The following NECAB2 variants were observed in gnomAD, a reference collection of about 807,000 sequenced individuals.
NECAB2 encodes N-terminal EF-hand calcium binding protein 2.
A neutral mutation model predicts 51.9 loss-of-function variants in NECAB2; 68 were observed. The observed-to-expected ratio is 1.31, with a 90% confidence interval of 1.08 to 1.60. The LOEUF is 1.60. Among genes scored for constraint, NECAB2 ranks in the 40% most tolerant of loss-of-function variants. The pLI is 0.00. For synonymous variants in NECAB2, 329 were observed against 203.5 expected (o/e 1.62, Z -5.25); for missense variants, 854 against 490.3 (o/e 1.74, Z -7.00).
At chr16:83,965,812 A>G, upstream of NECAB2, 1 of 1,612,750 alleles carries the variant, frequency 6.2e-7, no homozygotes, top group Non-Finnish European at 8.5e-7. Context: ...CTGACTTTGC[A>G]GTGGATCCTG....
chr16:83,973,406 G>C (rs921687468), intron 2 of NECAB2, among the ~76,000 whole-genome samples: 2 of 152,188 alleles, frequency 1.3e-5, no homozygotes, highest in Non-Finnish European at 2.9e-5. Flanking sequence ...GTTCCAACGA[G>C]TCTCCCACCC....
At chr16:84,000,701 C>CT (rs2084812184) in intron 10 of NECAB2, 23 bp from the exon 11 acceptor site, 1 of 1,612,358 alleles carries the variant, frequency 6.2e-7, no homozygotes, top group African/African-American at 1.3e-5. Context: ...CAGCCTCCTC[C>CT]CCCCGACCAT....
chr16:83,994,494 G>T lies in NECAB2; in HGVS notation c.715+74G>T, dbSNP rs1280545247. 4.4e-6 allele frequency: 7 copies of T among 1,595,144 alleles called. No individual in the cohort carries two copies. The East Asian group carries it at 1.3e-4, about 31-fold the overall frequency. On this transcript the variant is annotated intron_variant, in intron 7 of 12. Transcript: ENST00000305202. The stretch of plus-strand genomic sequence containing the variant: ...GGAGTTCTGAGAGTCCTCTGACAGG[G>T]ACTGGGGAGATGAGCAAGTTTGATG...
rs1405406866 is a variant in NECAB2, at chr16:83,994,391, C to G, written c.686C>G (p.Ala229Gly). The G allele has an allele frequency of 6.2e-7, 1 of 1,614,048 alleles. No homozygotes were observed. The highest frequency in any genetic ancestry group is 1.3e-5 in the African/African-American group (1 of 74,928). The part of the protein sequence containing the change: ...PASAPNHKLM[A>G]MEQGKTLPSA... ...TCTGCCCCCAACCACAAGCTCATGG[C>G]TATGGAACAAGGCAAGACCCTTCCA... Residue 229 changes from alanine (A) to glycine (G), a missense_variant, in exon 7 of 13, where the codon GCT becomes GGT. Transcript: ENST00000305202.
upstream of NECAB2, among the ~76,000 whole-genome samples, chr16:83,966,583 G>A (rs1265775262): frequency 1.3e-5 from 2 of 151,874 alleles, no homozygotes; most frequent in African/African-American, 4.8e-5. Flanking sequence ...CCAGGAGGGC[G>A]CTGCAGCCCC....
upstream of NECAB2, chr16:83,965,760 T>C (rs1173316545): frequency 6.2e-7 from 1 of 1,613,280 alleles, no homozygotes; most frequent in Admixed American, 1.7e-5. Context: ...CTGGTCCTCA[T>C]CGGCTCCCAC....
At chr16:83,999,497 T>C (rs1236414234) in intron 10 of NECAB2, among the ~76,000 whole-genome samples, 4 of 152,132 alleles carry the variant, frequency 2.6e-5, no homozygotes, top group Non-Finnish European at 2.9e-5. Flanking sequence ...ATGGTGCACC[T>C]AAAGCTGCAC....
chr16:83,990,557 A>C lies in NECAB2; in HGVS notation c.523A>C (p.Asn175His). Residue 175 changes from asparagine (N) to histidine (H), a missense_variant, in exon 6 of 13, where the codon AAT (asparagine) becomes CAT (histidine). Asn to His is a moderately conservative substitution (Grantham distance 68). Coordinates refer to ENST00000305202, the MANE Select transcript of NECAB2 (RefSeq NM_019065.3). ...CCGCTTCCTCCTGAAGGAGACGGCC[A>C]ATCAGATCCAGTCGCTGCTGAGCTC... ...VTRFLLKETA[N>H]QIQSLLSSVE... 6.2e-7 allele frequency: 1 copy of C among 1,614,174 alleles called. No homozygotes were observed. Among genetic ancestry groups the C allele is most frequent in the African/African-American group, 1.3e-5 (1 of 75,048 alleles).
chr16:84,001,771 C>T (rs546167010), intron 11 of NECAB2, 54 bp from the exon 12 acceptor site: 6 of 1,584,024 alleles, frequency 3.8e-6, no homozygotes, highest in African/African-American at 1.4e-5. Flanking sequence ...AGGGGAGCCA[C>T]ACGCGGAGCT....
At chr16:83,965,948 G>T, upstream of NECAB2, 2 of 1,611,254 alleles carry the variant, frequency 1.2e-6, no homozygotes, top group Non-Finnish European at 1.7e-6. Context: ...GTTTGTGCAG[G>T]GGGGCGCCTT....
At chr16:83,965,489 C>G, upstream of NECAB2, 2 of 1,610,924 alleles carry the variant, frequency 1.2e-6, no homozygotes, top group South Asian at 2.2e-5. Flanking sequence ...CTACGCCCGC[C>G]ACTACAACAT....
intron 9 of NECAB2, 128 bp downstream of exon 9, chr16:83,997,397 C>A: frequency 3.2e-6 from 4 of 1,235,864 alleles, no homozygotes; most frequent in Non-Finnish European, 4.6e-6. Flanking sequence ...GGAGATGTCG[C>A]CCAGCGCTTG....
At chr16:83,997,425 T>C (rs1223997826) in intron 9 of NECAB2, among the ~76,000 whole-genome samples, 156 bp downstream of exon 9, 1 of 145,484 alleles carries the variant, frequency 6.9e-6, no homozygotes, top group East Asian at 2.1e-4. Flanking sequence ...GACCCTGCCC[T>C]GGCACAGGAG....
chr16:83,973,252 G>A (rs1281670180), intron 2 of NECAB2, among the ~76,000 whole-genome samples: 1 of 152,214 alleles, frequency 6.6e-6, no homozygotes, highest in African/African-American at 2.4e-5. Context: ...TGCAGTTGAG[G>A]GTGGCAGCTC....
chr16:83,988,512 A>T (rs2084582511), intron 5 of NECAB2, among the ~76,000 whole-genome samples: 1 of 152,206 alleles, frequency 6.6e-6, no homozygotes, highest in South Asian at 2.1e-4. Context: ...GTTGAAATTA[A>T]ACCATTAGTG....
At chr16:83,998,042 T>G (rs1269379695) in intron 9 of NECAB2, among the ~76,000 whole-genome samples, 163 bp from the exon 10 acceptor site, 1 of 152,124 alleles carries the variant, frequency 6.6e-6, no homozygotes, top group African/African-American at 2.4e-5. Flanking sequence ...AGTCCTTTCT[T>G]AGCCCATTTT....
Position 84,002,344 on chromosome 16 carries a change from T to TGACA in NECAB2, c.1161_*3dup. 6.2e-7 allele frequency: 1 copy of TGACA among 1,614,040 alleles called. No homozygotes were observed. ...TGCTTGGTGCACGGTGGGACGGGAC[T>TGACA]GACAGCCTCCCAGAGGCCCGTGGAG... On this transcript the variant is annotated frameshift_variant and stop_retained_variant, in exon 13 of 13. Coordinates refer to ENST00000305202, the MANE Select transcript of NECAB2 (RefSeq NM_019065.3). LOFTEE classifies it high-confidence loss of function.
chr16:83,997,323 C>T, intron 9 of NECAB2, 54 bp downstream of exon 9: 3 of 1,609,036 alleles, frequency 1.9e-6, no homozygotes, highest in Non-Finnish European at 2.6e-6. Context: ...CATGCCAGGA[C>T]TGCCAAGATC....
At chr16:83,980,508 G>A (rs566825038) in intron 3 of NECAB2, among the ~76,000 whole-genome samples, 12 of 152,166 alleles carry the variant, frequency 7.9e-5, no homozygotes, top group African/African-American at 2.2e-4. Flanking sequence ...CTGACAGCCC[G>A]TCACAGTAAT....
Sources: gnomAD v4.1 joint callset for allele counts (sites outside exome capture counted in the v4.1 genomes callset) on GRCh38, gnomAD v4.1.1 for gene constraint, MANE v1.5 for transcripts, NCBI Gene and HGNC (gene_info 2026-07-23, HGNC 2026-07-21) for gene names.